Variants in DTNA observed in about 807,000 individuals in gnomAD.
The protein encoded by DTNA is dystrobrevin alpha.
In DTNA, 43 loss-of-function variants were observed where a neutral mutation model predicts 100.7. The ratio of observed to expected loss-of-function variants is 0.43; its 90% confidence interval spans 0.33 to 0.55. The LOEUF is 0.55. DTNA is among the 20% of genes least tolerant of loss of function. The pLI, the probability that DTNA is intolerant of heterozygous loss-of-function variation, is 0.04. For missense variants in DTNA, 798 were observed against 953.9 expected, an observed-to-expected ratio of 0.84 and a Z score of 2.15; for synonymous variants, 349 against 347.9, an observed-to-expected ratio of 1.00 and a Z score of -0.04.
intron 17 of DTNA, chr18:34,867,282 A>C: frequency 8.1e-7 from 1 of 1,231,386 alleles, no homozygotes; most frequent in South Asian, 4.1e-5. Flanking sequence ...GTCTGTAAAA[A>C]AGGAAAGTGT....
At chr18:34,758,680 T>C (rs2092942869) in intron 2 of DTNA, among the ~76,000 whole-genome samples, 1 of 152,182 alleles carries the variant, frequency 6.6e-6, no homozygotes, top group South Asian at 2.1e-4. Flanking sequence ...CATTCCTGGG[T>C]TGTAAACTTG....
chr18:34,858,533 T>A, intron 16 of DTNA, 135 bp downstream of exon 16: 2 of 814,918 alleles, frequency 2.5e-6, no homozygotes, highest in South Asian at 1.4e-5. Flanking sequence ...AGCACACACG[T>A]AATTGCTGAT....
At chr18:34,549,698 T>C (rs1358674706) in intron 1 of DTNA, among the ~76,000 whole-genome samples, 2 of 152,108 alleles carry the variant, frequency 1.3e-5, no homozygotes, top group East Asian at 3.9e-4. Context: ...TTATTTCCTT[T>C]CCTTTTGCTG....
In DTNA at chr18:34,798,008, A is replaced by AT. The variant is rs972265185; in HGVS notation, c.362+3767dup. 1.2e-4 allele frequency among the ~76,000 whole-genome samples: 18 copies of AT among 151,486 alleles called. No individual in the cohort carries two copies. In the East Asian group the frequency reaches 1.4e-3, roughly 11 times the overall value. ...CTTGTCGTACTAATTTCTTTTAACT[A>AT]TTTTTTTTTAAGACCGAGTCTCACT... On this transcript the variant is annotated intron_variant, in intron 4 of 22. Transcript: ENST00000444659.
In DTNA at chr18:34,518,667, A is replaced by G. The variant is rs1483241693; in HGVS notation, c.-2+25153A>G. On this transcript the variant is annotated intron_variant, in intron 1 of 19. Coordinates refer to the DTNA transcript ENST00000283365. ...CAGTTGCTCCAACAAAAATGTCTTCAATTTTGACTTACCGTTTTTTTTTTT... is the reference window on the plus strand; with the variant it reads ...CAGTTGCTCCAACAAAAATGTCTTCGATTTTGACTTACCGTTTTTTTTTTT... Among the ~76,000 whole-genome samples the G allele has an allele frequency of 3.8e-5, 5 of 130,180 alleles. No individual in the cohort carries two copies. The Admixed American group carries it at 4.4e-4, about 11-fold the overall frequency. The allele number at this position is 130,180 out of a possible 152,430, so 85.4% of individuals were successfully genotyped here.
chr18:34,531,855 G>A (rs1430195881), intron 1 of DTNA, among the ~76,000 whole-genome samples: 1 of 152,098 alleles, frequency 6.6e-6, no homozygotes, highest in Non-Finnish European at 1.5e-5. Context: ...TGGCCAAACA[G>A]AGGTTTTTGG....
chr18:34,883,760 C>G (rs906358431), intron 21 of DTNA, among the ~76,000 whole-genome samples: 1 of 152,074 alleles, frequency 6.6e-6, no homozygotes, highest in Non-Finnish European at 1.5e-5. Context: ...AGGAGGGAAA[C>G]GGAAGCCCAC....
intron 1 of DTNA, among the ~76,000 whole-genome samples, chr18:34,581,672 G>A (rs1412961020): frequency 6.8e-5 from 10 of 147,458 alleles, no homozygotes; most frequent in Admixed American, 1.4e-4. Context: ...CCAGGCTGGC[G>A]TGCAGTGGCA....
At chr18:34,498,208 G>T (rs911531155) in intron 1 of DTNA, among the ~76,000 whole-genome samples, 9 of 152,120 alleles carry the variant, frequency 5.9e-5, no homozygotes, top group Non-Finnish European at 2.9e-5. Flanking sequence ...AAGGTCAGGA[G>T]ATCGAGACCA....
chr18:34,825,821 A>T (rs1192389505), intron 9 of DTNA, among the ~76,000 whole-genome samples: 1 of 152,234 alleles, frequency 6.6e-6, no homozygotes, highest in Non-Finnish European at 1.5e-5. Flanking sequence ...TTAAAAAAAG[A>T]CAAAATCAGA....
At chr18:34,764,327 C>G (rs1435683037) in intron 2 of DTNA, among the ~76,000 whole-genome samples, 1 of 152,166 alleles carries the variant, frequency 6.6e-6, no homozygotes. Context: ...ACTCACACAA[C>G]TGGGAAGTGA....
At chr18:34,799,411 G>A (rs1398818110) in intron 4 of DTNA, among the ~76,000 whole-genome samples, 3 of 152,144 alleles carry the variant, frequency 2.0e-5, no homozygotes, top group African/African-American at 4.8e-5. Flanking sequence ...AATGCAAAAT[G>A]TACTACAAAG....
intron 17 of DTNA, chr18:34,866,956 A>G: frequency 8.6e-7 from 1 of 1,168,172 alleles, no homozygotes; most frequent in South Asian, 4.4e-5. Flanking sequence ...CAGGCTCAAG[A>G]GCCAGCAGGG....
chr18:34,855,717 C>A (rs1568791702), intron 15 of DTNA, among the ~76,000 whole-genome samples: 1 of 152,226 alleles, frequency 6.6e-6, no homozygotes, highest in Non-Finnish European at 1.5e-5. Context: ...CAAGCTGCAG[C>A]ATCACGCCTC....
intron 17 of DTNA, chr18:34,868,791 A>AT (rs934041214): frequency 1.1e-4 from 110 of 981,332 alleles, no homozygotes; most frequent in Non-Finnish European, 1.3e-4. Flanking sequence ...CAAGCAATAA[A>AT]TTTTTTTTTA....
intron 1 of DTNA, among the ~76,000 whole-genome samples, chr18:34,569,886 T>C (rs900769869): frequency 5.4e-5 from 8 of 147,316 alleles, no homozygotes; most frequent in East Asian, 2.0e-4. Context: ...CATACACACA[T>C]ACACACACAC....
chr18:34,624,700 T>C (rs2057063758), intron 1 of DTNA, among the ~76,000 whole-genome samples: 2 of 152,170 alleles, frequency 1.3e-5, no homozygotes, highest in Non-Finnish European at 2.9e-5. Context: ...TTAGGTGCTT[T>C]GAGAGATAAA....
At chr18:34,825,249 A>T in intron 9 of DTNA, 1 of 1,613,268 alleles carries the variant, frequency 6.2e-7, no homozygotes, top group Non-Finnish European at 8.5e-7. Flanking sequence ...ATTCTGTTCA[A>T]TTCTTCGCTG....
intron 9 of DTNA, among the ~76,000 whole-genome samples, chr18:34,822,152 T>A (rs1786598): frequency 0.13 from 20,179 of 152,178 alleles, 1,491 homozygotes; most frequent in African/African-American, 0.2. Flanking sequence ...GGCTAGCTTA[T>A]TTTTGGAAAT....
Sources: allele counts gnomAD v4.1 joint callset (sites outside exome capture counted in the v4.1 genomes callset), GRCh38; gene constraint gnomAD v4.1.1; transcripts MANE v1.5; gene names NCBI Gene and HGNC (gene_info 2026-07-23, HGNC 2026-07-21).